TMEM167B: variants seen among roughly 807,000 people sequenced by gnomAD.
TMEM167B encodes protein kish-B.
A neutral mutation model predicts 9.4 loss-of-function variants in TMEM167B; 2 were observed. The ratio of observed to expected loss-of-function variants is 0.21; its 90% CI spans 0.09 to 0.67. The LOEUF is 0.67. Among genes scored for constraint, TMEM167B ranks in the 30% least tolerant of loss-of-function variants. TMEM167B has a pLI of 0.82. For missense variants in TMEM167B, 68 were observed against 87.6 expected (o/e 0.78, Z 0.89); for synonymous variants, 28 against 32.0 (o/e 0.87, Z 0.42).
At chr1:109,090,983 C>G in intron 1 of TMEM167B, 101 bp downstream of exon 1, 1 of 1,412,860 alleles carries the variant, frequency 7.1e-7, no homozygotes, top group South Asian at 1.4e-5. Flanking sequence ...CGCCCCCTCC[C>G]AGCCCGGCCC....
chr1:109,093,725 T>G (rs917456936), intron 2 of TMEM167B: 9 of 152,252 alleles, frequency 5.9e-5, no homozygotes, highest in Non-Finnish European at 8.8e-5. Flanking sequence ...TTTTTGTACT[T>G]TTTATTTGAG....
chr1:109,091,298 C>G (rs1326229454), intron 1 of TMEM167B, among the ~76,000 whole-genome samples: 19 of 152,140 alleles, frequency 1.2e-4, no homozygotes, highest in Admixed American at 1.0e-3. Context: ...AATATCAAGT[C>G]CCACACTTTT....
At position 109,093,192 on chromosome 1, in the gene TMEM167B, G is replaced by A. The variant is rs181123681; in HGVS notation, c.142+171G>A. The stretch of plus-strand genomic sequence containing the variant: ...TAATCATTCTCCAAAGTTGAGGGAA[G>A]AGGTAAAAGTTAAAATTTGCTGGGT... On this transcript the variant is annotated intron_variant, in intron 2 of 2. Coordinates refer to ENST00000338272, the MANE Select transcript of TMEM167B (RefSeq NM_020141.4). 1.6e-4 allele frequency: 155 copies of A among 999,928 alleles called. No homozygotes were observed. The Admixed American group carries it at 2.7e-3, about 17-fold the overall frequency. The allele number at this position is 999,928 out of a possible 1,614,324, so 61.9% of individuals were successfully genotyped here. A position where few individuals can be genotyped will look rare whatever the true frequency, so the allele number is the denominator to read the frequency against.
At chr1:109,093,135 T>C in intron 2 of TMEM167B, 114 bp downstream of exon 2, 1 of 1,404,474 alleles carries the variant, frequency 7.1e-7, no homozygotes, top group Non-Finnish European at 9.7e-7. Context: ...TAGAAAAAAA[T>C]CCCTCCGATT....
rs749080465 is a variant in TMEM167B at position 109,094,419 on chromosome 1, G to A, written c.145G>A (p.Ala49Thr). The A allele has an allele frequency of 1.9e-5, 30 of 1,613,838 alleles. No homozygotes were observed. The highest frequency in any genetic ancestry group is 2.3e-5 in the Non-Finnish European group (27 of 1,180,012). The change falls in exon 3 of 3, where the codon GCT becomes ACT. Residue 49 changes from alanine (A) to threonine (T), a missense_variant and splice_region_variant. Coordinates refer to ENST00000338272, the MANE Select transcript of TMEM167B (RefSeq NM_020141.4). ...KGVWGVFYKA[A>T]VIGTRLHAAV... ...TTCTTCTCTCTTTTGCCTGCTAGCCGCTGTGATTGGAACCAGGCTGCATGC... is the reference window on the plus strand; with the variant it reads ...TTCTTCTCTCTTTTGCCTGCTAGCCACTGTGATTGGAACCAGGCTGCATGC...
intron 2 of TMEM167B, 84 bp from the exon 3 acceptor site, chr1:109,094,333 G>C: frequency 7.4e-7 from 1 of 1,358,086 alleles, no homozygotes; most frequent in Non-Finnish European, 1.1e-6. Context: ...GTCTGTCTGT[G>C]ACTAGAGACT....
Position 109,094,841 on chromosome 1 carries a change from C to A in TMEM167B, c.*342C>A, listed in dbSNP as rs1664532041. The A allele has an allele frequency of 1.4e-5, 3 of 208,840 alleles. No homozygotes were observed. Among genetic ancestry groups the A allele is most frequent in the Non-Finnish European group, 2.9e-5 (3 of 104,436 alleles). The allele number at this position is 208,840 out of a possible 1,614,324, so 12.9% of individuals were successfully genotyped here. On this transcript the variant is annotated 3_prime_UTR_variant, in exon 3 of 3. Transcript: ENST00000338272. Reference sequence around the variant, plus strand: ...TTGTTCTTCAGCTCCTCATCAGGATCTTTTCAAACTGAGGCTCATTAGGGA... The same window carrying A: ...TTGTTCTTCAGCTCCTCATCAGGATATTTTCAAACTGAGGCTCATTAGGGA...
At chr1:109,092,845 C>A in intron 1 of TMEM167B, 45 bp from the exon 2 acceptor site, 1 of 1,606,568 alleles carries the variant, frequency 6.2e-7, no homozygotes, top group Non-Finnish European at 8.5e-7. Flanking sequence ...ACAGGTCCGA[C>A]GCTAGATCAG....
In TMEM167B at chr1:109,094,513, C is replaced by A. The variant is rs776021529; in HGVS notation, c.*14C>A. On this transcript the variant is annotated 3_prime_UTR_variant, in exon 3 of 3. Transcript: ENST00000338272. Reference sequence around the variant, plus strand: ...TTTATAAAATGAATTCCAAAGCACCCAAGTCATCAACTGCCAACCAAGGGG... The same window carrying A: ...TTTATAAAATGAATTCCAAAGCACCAAAGTCATCAACTGCCAACCAAGGGG... 1.1e-5 allele frequency: 18 copies of A among 1,613,138 alleles called. No homozygotes were observed. The highest frequency in any genetic ancestry group is 1.2e-5 in the Non-Finnish European group (14 of 1,179,750).
Position 109,096,337 on chromosome 1 carries a change from T to C in TMEM167B, c.*1838T>C. ...CTTGTGGGTGTGAGTTTGGGACCTG[T>C]TGGCAGAAGGGAATGTCACTCCCTG... On this transcript the variant is annotated 3_prime_UTR_variant, in exon 3 of 3. Coordinates refer to ENST00000338272, the MANE Select transcript of TMEM167B (RefSeq NM_020141.4). 6.6e-6 allele frequency: 1 copy of C among 152,246 alleles called. No individual in the cohort carries two copies. The highest frequency in any genetic ancestry group is 1.9e-4 in the East Asian group (1 of 5,206). 9.4% of individuals were successfully genotyped at this position (152,246 alleles called of 1,614,324 possible).
At position 109,092,956 on chromosome 1, in the gene TMEM167B, A is replaced by C. The variant is rs149500592; in HGVS notation, c.77A>C (p.Lys26Thr). The change falls in exon 2 of 3, where the codon AAA (lysine) becomes ACA (threonine). Residue 26 changes from lysine to threonine, a missense_variant. Physicochemically the swap from Lys to Thr is moderately conservative, Grantham distance 78. Transcript: ENST00000338272. ...GTTTGCACCTGTGCCTACTTCAAGA[A>C]AGTACCTCGTCTCAAAACCTGGCTG... Reference protein sequence around the residue: ...LFVCTCAYFKKVPRLKTWLLS... With the variant: ...LFVCTCAYFKTVPRLKTWLLS... The C allele has an allele frequency of 7.8e-5, 126 of 1,614,022 alleles. 1 individual carries two copies. The highest frequency in any genetic ancestry group is 7.5e-4 in the South Asian group (68 of 91,086).
At chr1:109,093,960 A>C (rs1292394800) in intron 2 of TMEM167B, among the ~76,000 whole-genome samples, 1 of 152,030 alleles carries the variant, frequency 6.6e-6, no homozygotes. Flanking sequence ...AACATGGTGA[A>C]ACCCTGTCTC....
At chr1:109,091,216 C>T (rs762163476) in intron 1 of TMEM167B, among the ~76,000 whole-genome samples, 1 of 152,206 alleles carries the variant, frequency 6.6e-6, no homozygotes. Context: ...GAGAGAGGCT[C>T]CTCCTCCCAG....
At chr1:109,092,656 C>T (rs1450757496) in intron 1 of TMEM167B, among the ~76,000 whole-genome samples, 1 of 152,050 alleles carries the variant, frequency 6.6e-6, no homozygotes, top group African/African-American at 2.4e-5. Context: ...ATTGCAGCCT[C>T]GAACTCCTGG....
chr1:109,090,806 G>A lies in TMEM167B; in HGVS notation c.-67G>A, dbSNP rs1664428511. 1.9e-6 allele frequency: 3 copies of A among 1,551,216 alleles called. No homozygotes were observed. Among genetic ancestry groups the A allele is most frequent in the Admixed American group, 1.9e-5 (1 of 51,816 alleles). Reference sequence around the variant, plus strand: ...CCGGATCGGGAAGTGTCAAGCGGGCGCTCCCCCATCTCCGCCGCTATTACC... The same window carrying A: ...CCGGATCGGGAAGTGTCAAGCGGGCACTCCCCCATCTCCGCCGCTATTACC... On this transcript the variant is annotated 5_prime_UTR_variant, in exon 1 of 3. Transcript: ENST00000338272.
chr1:109,091,491 A>C (rs978263561), intron 1 of TMEM167B, among the ~76,000 whole-genome samples: 1 of 152,226 alleles, frequency 6.6e-6, no homozygotes. Flanking sequence ...CTAATTTTCC[A>C]GGCCTCTTCA....
rs748953384 is a variant in TMEM167B at position 109,090,930 on chromosome 1, A to G, written c.10+48A>G. Reference sequence around the variant, plus strand: ...GAGGGTGGGAGTGAAGGACGAAGGGAAAACGTGGCGGGCGGGGCCGGGACT... The same window carrying G: ...GAGGGTGGGAGTGAAGGACGAAGGGGAAACGTGGCGGGCGGGGCCGGGACT... On this transcript the variant is annotated intron_variant, in intron 1 of 2. Transcript: ENST00000338272. 7 of 1,563,400 alleles carry G rather than the reference A, an allele frequency of 4.5e-6. No individual in the cohort carries two copies. The South Asian group carries it at 7.0e-5, about 16-fold the overall frequency.
In TMEM167B at chr1:109,090,829, A is replaced by G; in HGVS notation, c.-44A>G. ...GCGCTCCCCCATCTCCGCCGCTATT[A>G]CCACTGAACCCGGACCCCCTACCCA... On this transcript the variant is annotated 5_prime_UTR_variant, in exon 1 of 3. Coordinates refer to ENST00000338272, the MANE Select transcript of TMEM167B (RefSeq NM_020141.4). The G allele has an allele frequency of 6.3e-7, 1 of 1,574,898 alleles. No homozygotes were observed. Among genetic ancestry groups the G allele is most frequent in the Non-Finnish European group, 8.6e-7 (1 of 1,159,898 alleles).
chr1:109,095,500 T>C lies in TMEM167B; in HGVS notation c.*1001T>C, dbSNP rs1436728310. ...GATGTTAGATTGAAGTTTTGTCATC[T>C]TATAAAAGACAACAAACTTATTTTC... On this transcript the variant is annotated 3_prime_UTR_variant, in exon 3 of 3. Coordinates refer to ENST00000338272, the MANE Select transcript of TMEM167B (RefSeq NM_020141.4). 1.3e-5 allele frequency: 2 copies of C among 152,216 alleles called. No individual in the cohort carries two copies. The highest frequency in any genetic ancestry group is 1.9e-4 in the East Asian group (1 of 5,202). The allele number at this position is 152,216 out of a possible 1,614,324, so 9.4% of individuals were successfully genotyped here.
Sources: allele counts gnomAD v4.1 joint callset (sites outside exome capture counted in the v4.1 genomes callset), GRCh38; gene constraint gnomAD v4.1.1; transcripts MANE v1.5; gene names NCBI Gene and HGNC (gene_info 2026-07-23, HGNC 2026-07-21).